The following HCN1 variants were observed in gnomAD, a reference collection of about 807,000 sequenced individuals.
The protein encoded by HCN1 is potassium/sodium hyperpolarization-activated cyclic nucleotide-gated channel 1.
In HCN1, 13 loss-of-function variants were observed where a neutral mutation model predicts 78.9. That is an observed-to-expected ratio of 0.16 (90% CI 0.11 to 0.26). HCN1 has a LOEUF of 0.26. Ranked by LOEUF, HCN1 falls within the 10% of genes least tolerant of loss-of-function variation. HCN1 has a pLI of 1.00. For missense variants in HCN1, 810 were observed against 1,154.3 expected, an observed-to-expected ratio of 0.70 and a Z score of 4.32; for synonymous variants, 552 against 455.5, an observed-to-expected ratio of 1.21 and a Z score of -2.70.
At chr5:45,679,177 T>G (rs778230516) in intron 1 of HCN1, among the ~76,000 whole-genome samples, 2 of 152,054 alleles carry the variant, frequency 1.3e-5, no homozygotes, top group African/African-American at 2.4e-5. Flanking sequence ...TGTTCAAATG[T>G]TAGTTTCTCC....
intron 1 of HCN1, among the ~76,000 whole-genome samples, chr5:45,677,528 C>A (rs866477783): frequency 2.0e-5 from 3 of 151,880 alleles, no homozygotes; most frequent in East Asian, 1.9e-4. Flanking sequence ...TAAATAAATT[C>A]TAGGAAGTGT....
At chr5:45,442,962 T>C (rs888617186) in intron 3 of HCN1, among the ~76,000 whole-genome samples, 2 of 152,238 alleles carry the variant, frequency 1.3e-5, no homozygotes, top group East Asian at 1.9e-4. Context: ...CAATTTGTCA[T>C]GTACCTAACT....
intron 2 of HCN1, among the ~76,000 whole-genome samples, chr5:45,525,124 T>C (rs1396309901): frequency 1.3e-5 from 2 of 152,164 alleles, no homozygotes; most frequent in African/African-American, 4.8e-5. Context: ...ATCGTGGTTT[T>C]TGTCTTTGGT....
intron 4 of HCN1, among the ~76,000 whole-genome samples, chr5:45,384,841 T>C (rs886645018): frequency 6.6e-6 from 1 of 152,176 alleles, no homozygotes; most frequent in African/African-American, 2.4e-5. Flanking sequence ...GTGACTCTGC[T>C]AGTTAGAGGT....
intron 2 of HCN1, among the ~76,000 whole-genome samples, chr5:45,514,849 T>A (rs755423694): frequency 6.6e-6 from 1 of 152,086 alleles, no homozygotes; most frequent in Non-Finnish European, 1.5e-5. Context: ...ATTTCTGAAC[T>A]AATTTACTAC....
At chr5:45,566,125 T>G (rs1255347723) in intron 2 of HCN1, among the ~76,000 whole-genome samples, 1 of 152,186 alleles carries the variant, frequency 6.6e-6, no homozygotes, top group Middle Eastern at 3.2e-3. Flanking sequence ...ATTCTAACAA[T>G]GTAATTACTG....
intron 4 of HCN1, among the ~76,000 whole-genome samples, chr5:45,356,569 AAACT>A (rs1747010985): frequency 6.6e-6 from 1 of 151,972 alleles, no homozygotes; most frequent in South Asian, 2.1e-4. Context: ...CATTGTTTAT[AAACT>A]AACTGTCATA....
At chr5:45,440,317 C>A (rs1469569025) in intron 3 of HCN1, among the ~76,000 whole-genome samples, 1 of 151,938 alleles carries the variant, frequency 6.6e-6, no homozygotes, top group Non-Finnish European at 1.5e-5. Flanking sequence ...CACTGCCTGG[C>A]AAAGAACAGT....
intron 5 of HCN1, among the ~76,000 whole-genome samples, chr5:45,336,780 T>C (rs1746465228): frequency 6.6e-6 from 1 of 152,060 alleles, no homozygotes; most frequent in Non-Finnish European, 1.5e-5. Flanking sequence ...GAGGGGCCAC[T>C]TCCTGGTTCA....
rs140527677 is a variant in HCN1, at chr5:45,345,148, G to A, written c.1377+7952C>T. 1.6e-4 allele frequency among the ~76,000 whole-genome samples: 25 copies of A among 152,316 alleles called. No homozygotes were observed. In the East Asian group the frequency reaches 4.8e-3, roughly 29 times the overall value. On this transcript the variant is annotated intron_variant, in intron 5 of 7. Coordinates refer to ENST00000303230, the MANE Select transcript of HCN1 (RefSeq NM_021072.4). ...AGGCTTGGGGCTTGCACCCTCTGAA[G>A]CCACAGCCTGAGCTGTACCTTGGCC...
At chr5:45,418,017 G>A (rs951918988) in intron 3 of HCN1, among the ~76,000 whole-genome samples, 10 of 151,806 alleles carry the variant, frequency 6.6e-5, no homozygotes, top group Admixed American at 1.3e-4. Flanking sequence ...TATTAGAATG[G>A]CATAAAGAAT....
intron 2 of HCN1, among the ~76,000 whole-genome samples, chr5:45,593,340 T>TCACACACA (rs538486679): frequency 7.2e-4 from 90 of 125,556 alleles, no homozygotes; most frequent in African/African-American, 2.7e-3. Flanking sequence ...TCTCTCTCTC[T>TCACACACA]CACACACACA....
chr5:45,452,530 G>A (rs1024875660), intron 3 of HCN1, among the ~76,000 whole-genome samples: 4 of 151,486 alleles, frequency 2.6e-5, no homozygotes, highest in Admixed American at 1.3e-4. Context: ...GAACCCAATA[G>A]GTAGTTTTCC....
At chr5:45,680,590 TAA>T in intron 1 of HCN1, among the ~76,000 whole-genome samples, 1 of 152,280 alleles carries the variant, frequency 6.6e-6, no homozygotes, top group Admixed American at 6.6e-5. Flanking sequence ...AAAGTTGCAT[TAA>T]GTTTTTTTGC....
intron 3 of HCN1, among the ~76,000 whole-genome samples, chr5:45,412,898 G>C (rs1740050671): frequency 6.6e-6 from 1 of 152,052 alleles, no homozygotes; most frequent in South Asian, 2.1e-4. Context: ...CAATTAAAAG[G>C]AGAACAAGTT....
intron 2 of HCN1, among the ~76,000 whole-genome samples, chr5:45,476,049 A>C (rs1182362471): frequency 6.6e-6 from 1 of 152,194 alleles, no homozygotes; most frequent in African/African-American, 2.4e-5. Context: ...CATAGGTGAG[A>C]GTAGCTATAG....
intron 3 of HCN1, among the ~76,000 whole-genome samples, chr5:45,460,925 T>C (rs1328891093): frequency 6.6e-6 from 1 of 151,748 alleles, no homozygotes; most frequent in East Asian, 1.9e-4. Context: ...GAAAAGACAG[T>C]ATTTGATTTA....
intron 2 of HCN1, among the ~76,000 whole-genome samples, chr5:45,547,076 C>A (rs1743246060): frequency 6.6e-6 from 1 of 151,916 alleles, no homozygotes; most frequent in Non-Finnish European, 1.5e-5. Flanking sequence ...ATTAATCATG[C>A]AAATGATTTT....
intron 5 of HCN1, among the ~76,000 whole-genome samples, chr5:45,348,416 C>T (rs1019071984): frequency 6.6e-6 from 1 of 152,090 alleles, no homozygotes; most frequent in Non-Finnish European, 1.5e-5. Flanking sequence ...AAAATCACAC[C>T]AAATTGCAAA....
Sources: gnomAD v4.1 joint callset for allele counts (sites outside exome capture counted in the v4.1 genomes callset) on GRCh38, gnomAD v4.1.1 for gene constraint, MANE v1.5 for transcripts, NCBI Gene and HGNC (gene_info 2026-07-23, HGNC 2026-07-21) for gene names.